LAMA2: variants seen among roughly 807,000 people sequenced by gnomAD.
LAMA2 encodes laminin subunit alpha 2.
Under a neutral mutation model 364.8 loss-of-function variants are expected in LAMA2, and 269 were observed. That is an observed-to-expected ratio of 0.74 (90% CI 0.67 to 0.82). The LOEUF is 0.82. Among genes scored for constraint, LAMA2 ranks in the 40% least tolerant of loss-of-function variants. The pLI, the probability that LAMA2 is intolerant of heterozygous loss-of-function variation, is 0.00. For synonymous variants in LAMA2, 1,379 were observed against 1,370.6 expected, an observed-to-expected ratio of 1.01 and a Z score of -0.14; for missense variants, 3,807 against 3,873.2, an observed-to-expected ratio of 0.98 and a Z score of 0.45.
At chr6:129,308,646 A>C (rs892337083) in intron 22 of LAMA2, among the ~76,000 whole-genome samples, 13 of 152,224 alleles carry the variant, frequency 8.5e-5, no homozygotes, top group African/African-American at 1.2e-4. Context: ...ACAAAAAAAA[A>C]CAAAACTCAT....
chr6:128,938,099 AC>A (rs1779940579), intron 1 of LAMA2, among the ~76,000 whole-genome samples: 1 of 151,860 alleles, frequency 6.6e-6, no homozygotes, highest in African/African-American at 2.4e-5. Context: ...AATATTTCTG[AC>A]TTTTTAGCCA....
intron 1 of LAMA2, among the ~76,000 whole-genome samples, chr6:128,974,375 A>T (rs1296468306): frequency 2.6e-5 from 4 of 152,204 alleles, no homozygotes; most frequent in Non-Finnish European, 5.9e-5. Context: ...GGTAAATAGG[A>T]TCTGCAACTC....
At chr6:129,424,728 G>C (rs1014356101) in intron 40 of LAMA2, among the ~76,000 whole-genome samples, 3 of 152,000 alleles carry the variant, frequency 2.0e-5, no homozygotes, top group African/African-American at 4.8e-5. Context: ...CAAAGATGTA[G>C]GCACATGCAG....
At chr6:129,099,784 A>G (rs1400532946) in intron 4 of LAMA2, among the ~76,000 whole-genome samples, 1 of 152,200 alleles carries the variant, frequency 6.6e-6, no homozygotes, top group Non-Finnish European at 1.5e-5. Flanking sequence ...GTTCAAAAAT[A>G]CCAGTTTTGG....
intron 12 of LAMA2, among the ~76,000 whole-genome samples, chr6:129,218,610 A>C (rs1282462009): frequency 6.6e-6 from 1 of 152,134 alleles, no homozygotes; most frequent in Non-Finnish European, 1.5e-5. Context: ...GTACTTTCTG[A>C]AAATTGACTA....
intron 1 of LAMA2, among the ~76,000 whole-genome samples, chr6:128,890,265 T>C (rs1234149975): frequency 2.0e-5 from 3 of 152,164 alleles, no homozygotes; most frequent in Admixed American, 6.5e-5. Flanking sequence ...ATCCTCAGTT[T>C]GTAGAAGGAA....
chr6:129,351,404 C>T (rs1305625579), intron 31 of LAMA2, among the ~76,000 whole-genome samples: 1 of 152,142 alleles, frequency 6.6e-6, no homozygotes, highest in Non-Finnish European at 1.5e-5. Flanking sequence ...CATACAGTAT[C>T]AAATGTGAGT....
At chr6:129,495,170 C>T (rs1270390998) in intron 58 of LAMA2, among the ~76,000 whole-genome samples, 2 of 152,176 alleles carry the variant, frequency 1.3e-5, no homozygotes, top group African/African-American at 4.8e-5. Flanking sequence ...CCATCGGTTA[C>T]ATTAAGTTAA....
intron 1 of LAMA2, among the ~76,000 whole-genome samples, chr6:128,978,502 G>A (rs1782669218): frequency 6.6e-6 from 1 of 151,924 alleles, no homozygotes; most frequent in Non-Finnish European, 1.5e-5. Context: ...ATTTTTAGTA[G>A]AGACAAGGTT....
intron 1 of LAMA2, among the ~76,000 whole-genome samples, chr6:128,995,752 A>G (rs1783897507): frequency 6.6e-6 from 1 of 152,170 alleles, no homozygotes; most frequent in Non-Finnish European, 1.5e-5. Context: ...TGTTGTTAAA[A>G]TCAATTTTTG....
intron 12 of LAMA2, among the ~76,000 whole-genome samples, chr6:129,229,704 T>C (rs1784556808): frequency 6.6e-6 from 1 of 152,156 alleles, no homozygotes. Flanking sequence ...GTGGTTTGAT[T>C]CCAGATACAT....
At chr6:129,300,983 A>G in intron 22 of LAMA2, 111 bp downstream of exon 22, 1 of 910,622 alleles carries the variant, frequency 1.1e-6, no homozygotes, top group Non-Finnish European at 1.8e-6. Context: ...ATAATGTAGA[A>G]GTATTACTAT....
At position 128,929,904 on chromosome 6, in the gene LAMA2, G is replaced by T. The variant is rs1779349251; in HGVS notation, c.112+46547G>T. The T allele has an allele frequency of 1.1e-5, 9 of 854,036 alleles. No individual in the cohort carries two copies. In the South Asian group the frequency reaches 1.2e-4, roughly 11 times the overall value. The allele number at this position is 854,036 out of a possible 1,614,324, so 52.9% of individuals were successfully genotyped here. A position where few individuals can be genotyped will look rare whatever the true frequency, so the allele number is the denominator to read the frequency against. ...GGTGACAGCTGAGTGTATGGGATGT[G>T]CAGGTACGCAGCAAGCAGGAGCGCG... is the stretch of plus-strand genomic sequence containing the variant. On this transcript the variant is annotated intron_variant, in intron 1 of 64. Coordinates refer to ENST00000421865, the MANE Select transcript of LAMA2 (RefSeq NM_000426.4).
chr6:129,051,107 A>G (rs1402810906), intron 2 of LAMA2, among the ~76,000 whole-genome samples: 1 of 151,470 alleles, frequency 6.6e-6, no homozygotes, highest in Non-Finnish European at 1.5e-5. Flanking sequence ...AGAAATCTTT[A>G]TATCTATATA....
chr6:128,958,406 T>C (rs902625545), intron 1 of LAMA2, among the ~76,000 whole-genome samples: 4 of 152,090 alleles, frequency 2.6e-5, no homozygotes, highest in African/African-American at 4.8e-5. Context: ...GTACCCATGG[T>C]GTTTATTATA....
At chr6:129,138,520 G>C (rs1777934242) in intron 4 of LAMA2, among the ~76,000 whole-genome samples, 2 of 151,952 alleles carry the variant, frequency 1.3e-5, no homozygotes, top group Non-Finnish European at 2.9e-5. Flanking sequence ...AAGGTCTAAA[G>C]ATTTTATTAA....
intron 32 of LAMA2, among the ~76,000 whole-genome samples, chr6:129,365,699 A>G (rs989137043): frequency 6.6e-6 from 1 of 151,502 alleles, no homozygotes; most frequent in Non-Finnish European, 1.5e-5. Flanking sequence ...TATTCTACTC[A>G]ATAGATACCA....
chr6:129,476,052 G>A (rs960199862), intron 53 of LAMA2, among the ~76,000 whole-genome samples: 2 of 152,148 alleles, frequency 1.3e-5, no homozygotes, highest in Non-Finnish European at 2.9e-5. Context: ...TAGCTTCTCA[G>A]GAGCATTTTA....
intron 4 of LAMA2, among the ~76,000 whole-genome samples, chr6:129,102,969 C>T (rs1047958410): frequency 6.6e-6 from 1 of 152,174 alleles, no homozygotes; most frequent in Non-Finnish European, 1.5e-5. Context: ...TTACGAAAGT[C>T]CCACCCATGC....
Sources: allele counts gnomAD v4.1 joint callset (sites outside exome capture counted in the v4.1 genomes callset), GRCh38; gene constraint gnomAD v4.1.1; transcripts MANE v1.5; gene names NCBI Gene and HGNC (gene_info 2026-07-23, HGNC 2026-07-21).